The following NAV3 variants were observed in gnomAD, a reference collection of about 807,000 sequenced individuals.
The protein encoded by NAV3 is pore membrane and/or filament interacting like protein 1.
In NAV3, 87 loss-of-function variants were observed where a neutral mutation model predicts 244.7. That is an observed-to-expected ratio of 0.36 (90% CI 0.30 to 0.42). The LOEUF is 0.42. Ranked by LOEUF, NAV3 falls within the 20% of genes least tolerant of loss-of-function variation. The pLI is 1.00. For synonymous variants in NAV3, 1,126 were observed against 1,042.2 expected, an observed-to-expected ratio of 1.08 and a Z score of -1.55; for missense variants, 2,663 against 2,893.3, an observed-to-expected ratio of 0.92 and a Z score of 1.83.
intron 2 of NAV3, among the ~76,000 whole-genome samples, chr12:77,720,076 C>T (rs1230297072): frequency 6.6e-6 from 1 of 152,068 alleles, no homozygotes. Flanking sequence ...GGTTATCCAA[C>T]TTATTGGCAC....
intron 2 of NAV3, among the ~76,000 whole-genome samples, chr12:77,716,757 C>G (rs1043806616): frequency 6.6e-6 from 1 of 151,878 alleles, no homozygotes; most frequent in African/African-American, 2.4e-5. Context: ...CTAAATCATA[C>G]CATTTATTCT....
chr12:77,775,538 T>C (rs1039784512), intron 2 of NAV3, among the ~76,000 whole-genome samples: 1 of 152,232 alleles, frequency 6.6e-6, no homozygotes, highest in African/African-American at 2.4e-5. Flanking sequence ...TCTGGTGTTA[T>C]CTTATCCTTT....
At position 77,968,563 on chromosome 12, in the gene NAV3, A is replaced by G. The variant is rs1360552817; in HGVS notation, c.532A>G (p.Ser178Gly). ...NLKAILGLFF[S>G]LSRYKQQQHH... Reference sequence around the variant, plus strand: ...AAAAGCCATTCTAGGGCTGTTTTTCAGTTTATCTCGCTACAAGCAGCAACA... The same window carrying G: ...AAAAGCCATTCTAGGGCTGTTTTTCGGTTTATCTCGCTACAAGCAGCAACA... Residue 178 changes from serine to glycine, a missense_variant, in exon 5 of 40, where the codon AGT becomes GGT. Physicochemically the swap from Ser to Gly is moderately conservative, Grantham distance 56. Around this residue, in one of 6 missense-constraint regions of NAV3, gnomAD observed 1,521 missense variants for 1,497.0 expected, o/e 1.02. Transcript: ENST00000397909. The G allele has an allele frequency of 1.9e-6, 3 of 1,613,918 alleles. No homozygotes were observed. The highest frequency in any genetic ancestry group is 1.3e-5 in the African/African-American group (1 of 74,924).
At chr12:77,742,616 A>G (rs548194105) in intron 2 of NAV3, among the ~76,000 whole-genome samples, 54 of 152,196 alleles carry the variant, frequency 3.5e-4, no homozygotes, top group African/African-American at 1.3e-3. Flanking sequence ...TATTATAAAC[A>G]GTTAAAATGT....
In NAV3 at chr12:78,005,565, C is replaced by T. The variant is rs928601473; in HGVS notation, c.881-854C>T. Among the ~76,000 whole-genome samples the T allele has an allele frequency of 5.3e-5, 8 of 152,254 alleles. No homozygotes were observed. In the East Asian group the frequency reaches 1.5e-3, roughly 29 times the overall value. The stretch of plus-strand genomic sequence containing the variant: ...TATCACATGTGCATTTAACAGGATC[C>T]CCAAGTATCATGTGTGCACATTAAA... On this transcript the variant is annotated intron_variant, in intron 7 of 39. Coordinates refer to ENST00000397909, the MANE Select transcript of NAV3 (RefSeq NM_001024383.2).
At chr12:77,829,792 A>C (rs17044312), upstream of NAV3, among the ~76,000 whole-genome samples, 3,962 of 152,270 alleles carry the variant, frequency 0.026, 166 homozygotes, top group African/African-American at 0.091. Context: ...TTCATCTATA[A>C]ATTACTGCTT....
At chr12:78,066,857 C>T (rs1007258082) in intron 12 of NAV3, among the ~76,000 whole-genome samples, 2 of 151,982 alleles carry the variant, frequency 1.3e-5, no homozygotes, top group Non-Finnish European at 2.9e-5. Flanking sequence ...TCTGAGGTTG[C>T]CATTGTAACT....
chr12:78,176,523 C>T (rs984367391), intron 26 of NAV3, 64 bp downstream of exon 26: 1 of 1,534,980 alleles, frequency 6.5e-7, no homozygotes, highest in African/African-American at 1.4e-5. Flanking sequence ...GGCATGAATG[C>T]TATCCATTTT....
At chr12:77,718,720 T>C (rs946216965) in intron 2 of NAV3, among the ~76,000 whole-genome samples, 2 of 152,084 alleles carry the variant, frequency 1.3e-5, no homozygotes, top group South Asian at 2.1e-4. Context: ...TGGGATGGCA[T>C]GATCTCGGCT....
In NAV3 at chr12:77,863,885, A is replaced by C. The variant is rs12299896; in HGVS notation, c.243+32181A>C. Among the ~76,000 whole-genome samples the C allele has an allele frequency of 5.1e-3, 777 of 152,034 alleles. 8 individuals carry two copies. Among genetic ancestry groups the C allele is most frequent in the African/African-American group, 0.018 (743 of 41,544 alleles). On this transcript the variant is annotated intron_variant, in intron 1 of 39. Coordinates refer to ENST00000397909, the MANE Select transcript of NAV3 (RefSeq NM_001024383.2). ...TATTTTCATTCTTTGTTTTTATAATAGGGTTATAAAATCAGAAAATGAAAG... is the reference window on the plus strand; with the variant it reads ...TATTTTCATTCTTTGTTTTTATAATCGGGTTATAAAATCAGAAAATGAAAG...
At chr12:77,865,322 C>G (rs1879841753) in intron 1 of NAV3, among the ~76,000 whole-genome samples, 1 of 151,938 alleles carries the variant, frequency 6.6e-6, no homozygotes, top group African/African-American at 2.4e-5. Flanking sequence ...GAAAGAAAAA[C>G]AGATGATTTC....
chr12:77,666,198 T>G (rs1374537194), intron 2 of NAV3, among the ~76,000 whole-genome samples: 1 of 128,422 alleles, frequency 7.8e-6, no homozygotes, highest in African/African-American at 3.5e-5. Context: ...TTTTTTTTTT[T>G]GTCTAGTCAG....
At chr12:77,967,625 T>C (rs1477367584) in intron 4 of NAV3, among the ~76,000 whole-genome samples, 1 of 152,168 alleles carries the variant, frequency 6.6e-6, no homozygotes, top group Non-Finnish European at 1.5e-5. Context: ...ATTTAAAATA[T>C]GATTACAGGT....
chr12:78,053,827 T>A (rs1324970055), intron 11 of NAV3, among the ~76,000 whole-genome samples: 1 of 152,220 alleles, frequency 6.6e-6, no homozygotes, highest in Non-Finnish European at 1.5e-5. Flanking sequence ...TCTGTTCATA[T>A]CCATGAATGG....
At chr12:78,082,338 T>C (rs535373479) in intron 12 of NAV3, among the ~76,000 whole-genome samples, 1 of 152,338 alleles carries the variant, frequency 6.6e-6, no homozygotes, top group African/African-American at 2.4e-5. Flanking sequence ...TGCATTATAT[T>C]TTCAAATATA....
At chr12:77,667,459 G>T (rs1368938422) in intron 2 of NAV3, among the ~76,000 whole-genome samples, 1 of 151,972 alleles carries the variant, frequency 6.6e-6, no homozygotes, top group African/African-American at 2.4e-5. Flanking sequence ...ATGGAAGTGG[G>T]GTGAGGCCTG....
chr12:78,168,517 T>A (rs550528601), intron 23 of NAV3, among the ~76,000 whole-genome samples: 11 of 151,874 alleles, frequency 7.2e-5, no homozygotes, highest in African/African-American at 2.4e-4. Flanking sequence ...ATAAAGACTA[T>A]TCATATCTCT....
At chr12:77,671,224 A>G (rs1361857955) in intron 2 of NAV3, among the ~76,000 whole-genome samples, 1 of 152,078 alleles carries the variant, frequency 6.6e-6, no homozygotes, top group Non-Finnish European at 1.5e-5. Context: ...AACAAAAACA[A>G]AAACAAAATA....
At chr12:77,964,403 C>T (rs117536204) in intron 3 of NAV3, among the ~76,000 whole-genome samples, 1,780 of 152,246 alleles carry the variant, frequency 0.012, 20 homozygotes, top group South Asian at 0.022. Context: ...TAGGACTGCT[C>T]TTGCAAACAT....
Sources: gnomAD v4.1 joint callset for allele counts (sites outside exome capture counted in the v4.1 genomes callset) on GRCh38, gnomAD v4.1.1 for gene constraint, gnomAD v4.1.1 regional missense constraint, MANE v1.5 for transcripts, NCBI Gene and HGNC (gene_info 2026-07-23, HGNC 2026-07-21) for gene names.